The following TEX26 variants were observed in gnomAD, a reference collection of about 807,000 sequenced individuals.
The protein encoded by TEX26 is testis-expressed protein 26.
Under a neutral mutation model 35.3 loss-of-function variants are expected in TEX26, and 34 were observed. The ratio of observed to expected loss-of-function variants is 0.96; its 90% confidence interval spans 0.73 to 1.28. The LOEUF is 1.28. Among genes scored for constraint, TEX26 ranks in the 50% most tolerant of loss-of-function variants. The pLI is 0.00. For synonymous variants in TEX26, 136 were observed against 111.8 expected (o/e 1.22, Z -1.36); for missense variants, 371 against 330.1 (o/e 1.12, Z -0.96).
At chr13:30,945,289 T>G (rs1259107241) in intron 2 of TEX26, among the ~76,000 whole-genome samples, 4 of 152,040 alleles carry the variant, frequency 2.6e-5, no homozygotes, top group Non-Finnish European at 5.9e-5. Flanking sequence ...AGGTTTCCAT[T>G]TGCATGCAAT....
intron 4 of TEX26, among the ~76,000 whole-genome samples, chr13:30,959,188 T>G (rs1954246425): frequency 6.6e-6 from 1 of 152,214 alleles, no homozygotes; most frequent in South Asian, 2.1e-4. Context: ...TTACTTTTAT[T>G]AAACAAATGT....
intron 2 of TEX26, among the ~76,000 whole-genome samples, chr13:30,941,174 A>G (rs528318990): frequency 6.6e-6 from 1 of 152,182 alleles, no homozygotes; most frequent in East Asian, 1.9e-4. Flanking sequence ...GACACAAAGC[A>G]CTAGGACAGT....
intron 2 of TEX26, among the ~76,000 whole-genome samples, chr13:30,945,686 T>C (rs1393729226): frequency 1.3e-5 from 2 of 151,978 alleles, no homozygotes; most frequent in Non-Finnish European, 2.9e-5. Context: ...TATTTCCTCT[T>C]TGTTTATAAA....
intron 2 of TEX26, among the ~76,000 whole-genome samples, chr13:30,947,532 A>G (rs1375476671): frequency 6.6e-6 from 1 of 152,142 alleles, no homozygotes; most frequent in Admixed American, 6.6e-5. Flanking sequence ...AATTTTATTG[A>G]AAGCTATTAA....
intron 3 of TEX26, among the ~76,000 whole-genome samples, chr13:30,953,586 T>A (rs768065525): frequency 6.6e-6 from 1 of 152,226 alleles, no homozygotes; most frequent in African/African-American, 2.4e-5. Flanking sequence ...TGCTTAGCCT[T>A]GTGTTTCATA....
At chr13:30,969,801 C>A (rs1198539101) in intron 6 of TEX26, among the ~76,000 whole-genome samples, 3 of 152,112 alleles carry the variant, frequency 2.0e-5, no homozygotes, top group African/African-American at 7.2e-5. Flanking sequence ...TAATGTATCA[C>A]ATACATTTAT....
At chr13:30,966,429 T>C in intron 5 of TEX26, 31 bp downstream of exon 5, 1 of 1,438,012 alleles carries the variant, frequency 7.0e-7, no homozygotes, top group South Asian at 1.3e-5. Context: ...TTTTTCTTTT[T>C]CTCTTTTTTT....
intron 6 of TEX26, among the ~76,000 whole-genome samples, chr13:30,974,119 T>TTA (rs1555271793): frequency 4.0e-5 from 3 of 74,412 alleles, no homozygotes; most frequent in African/African-American, 2.0e-4. Context: ...AGCCTCCATC[T>TTA]AAAAAAAAAA....
At chr13:30,970,168 AGTGTGTGTGT>A (rs57600535) in intron 6 of TEX26, among the ~76,000 whole-genome samples, 4,816 of 146,430 alleles carry the variant, frequency 0.033, 81 homozygotes, top group African/African-American at 0.043. Flanking sequence ...GGTGTGTGTG[AGTGTGTGTGT>A]GTGTGTGTGT....
chr13:30,968,577 C>T (rs1407574772), intron 5 of TEX26, among the ~76,000 whole-genome samples: 2 of 152,176 alleles, frequency 1.3e-5, no homozygotes, highest in African/African-American at 2.4e-5. Context: ...AACACACTGA[C>T]CTGCATAAGA....
At chr13:30,936,186 A>G (rs1170531291) in intron 1 of TEX26, among the ~76,000 whole-genome samples, 1 of 152,210 alleles carries the variant, frequency 6.6e-6, no homozygotes, top group Non-Finnish European at 1.5e-5. Flanking sequence ...GGAATAAAAT[A>G]ATATATGTGA....
At chr13:30,964,974 A>G (rs1319007774) in intron 4 of TEX26, among the ~76,000 whole-genome samples, 2 of 152,186 alleles carry the variant, frequency 1.3e-5, no homozygotes, top group African/African-American at 4.8e-5. Context: ...TTTTGCGGGG[A>G]CACATTCAAA....
chr13:30,957,769 A>G (rs951777722), intron 4 of TEX26, among the ~76,000 whole-genome samples: 7 of 152,198 alleles, frequency 4.6e-5, no homozygotes, highest in African/African-American at 1.7e-4. Flanking sequence ...TTTGGCTCAC[A>G]TTGTCTCACC....
At chr13:30,934,916 C>G (rs1258045073) in intron 1 of TEX26, among the ~76,000 whole-genome samples, 1 of 152,222 alleles carries the variant, frequency 6.6e-6, no homozygotes, top group Non-Finnish European at 1.5e-5. Flanking sequence ...CTGGGCCTTT[C>G]ACTCCATGAA....
intron 2 of TEX26, among the ~76,000 whole-genome samples, chr13:30,941,630 T>C (rs1392492483): frequency 2.0e-5 from 3 of 152,192 alleles, no homozygotes; most frequent in Non-Finnish European, 4.4e-5. Flanking sequence ...TAATTTTTTA[T>C]TCCTCACCCA....
chr13:30,967,401 C>G lies in TEX26; in HGVS notation c.646+1003C>G, dbSNP rs939857005. On this transcript the variant is annotated intron_variant, in intron 5 of 6. Transcript: ENST00000380473. ...ATCCACTTCAGGGTAGCCCCATCCCCCTTCGTTGTCTGATGCTCCAACTGT... is the reference window on the plus strand; with the variant it reads ...ATCCACTTCAGGGTAGCCCCATCCCGCTTCGTTGTCTGATGCTCCAACTGT... 1.9e-4 allele frequency among the ~76,000 whole-genome samples: 29 copies of G among 152,286 alleles called. No individual in the cohort carries two copies. In the Middle Eastern group the frequency reaches 0.014, roughly 71 times the overall value.
chr13:30,955,614 A>T (rs1453506609), intron 3 of TEX26, among the ~76,000 whole-genome samples: 2 of 152,254 alleles, frequency 1.3e-5, no homozygotes, highest in African/African-American at 4.8e-5. Context: ...CTTAGTAACT[A>T]GAAGGGGAAG....
chr13:30,972,392 T>C (rs1003543563), intron 6 of TEX26, among the ~76,000 whole-genome samples: 12 of 152,198 alleles, frequency 7.9e-5, no homozygotes, highest in Non-Finnish European at 1.6e-4. Flanking sequence ...TTTTACTAAT[T>C]CATGCAAAAC....
chr13:30,965,112 C>A (rs1368697128), intron 4 of TEX26, among the ~76,000 whole-genome samples: 1 of 152,152 alleles, frequency 6.6e-6, no homozygotes, highest in Non-Finnish European at 1.5e-5. Context: ...TCTGTATGGG[C>A]AGTTTATGAG....
Sources: allele counts gnomAD v4.1 joint callset (sites outside exome capture counted in the v4.1 genomes callset), GRCh38; gene constraint gnomAD v4.1.1; transcripts MANE v1.5; gene names NCBI Gene and HGNC (gene_info 2026-07-23, HGNC 2026-07-21).